Variants in NAV2 observed in about 807,000 individuals in gnomAD.
NAV2 encodes the protein neuron navigator 2, also known as helicase, APC down-regulated 1.
Under a neutral mutation model 223.2 loss-of-function variants are expected in NAV2, and 54 were observed. That is an observed-to-expected ratio of 0.24 (90% CI 0.19 to 0.30). The LOEUF is 0.30. NAV2 is among the 10% of genes least tolerant of loss of function. NAV2 has a pLI of 1.00. For synonymous variants in NAV2, 1,279 were observed against 1,239.3 expected (o/e 1.03, Z -0.67); for missense variants, 2,806 against 3,147.5 (o/e 0.89, Z 2.60).
chr11:19,956,850 T>G (rs907788070), intron 10 of NAV2, among the ~76,000 whole-genome samples: 4 of 152,134 alleles, frequency 2.6e-5, no homozygotes, highest in African/African-American at 9.7e-5. Flanking sequence ...GTCTTGGAGG[T>G]CAGAGGGCAG....
chr11:19,555,205 G>A (rs1368574358), intron 1 of NAV2, among the ~76,000 whole-genome samples: 2 of 152,216 alleles, frequency 1.3e-5, no homozygotes, highest in African/African-American at 2.4e-5. Flanking sequence ...GGAAGCAGAA[G>A]CTGGCAGAGG....
intron 1 of NAV2, among the ~76,000 whole-genome samples, chr11:19,464,267 C>T (rs149158272): frequency 1.6e-4 from 24 of 152,304 alleles, no homozygotes; most frequent in Middle Eastern, 3.4e-3. Flanking sequence ...TGAGCCAGAG[C>T]TCTGTTGCTA....
At chr11:20,017,340 TC>T (rs2153523782) in intron 11 of NAV2, among the ~76,000 whole-genome samples, 2 of 152,212 alleles carry the variant, frequency 1.3e-5, no homozygotes, top group South Asian at 4.2e-4. Context: ...ACTTGATGCG[TC>T]CCCCTTCCAC....
At chr11:19,940,640 T>G (rs1846136679) in intron 8 of NAV2, among the ~76,000 whole-genome samples, 1 of 152,240 alleles carries the variant, frequency 6.6e-6, no homozygotes, top group Non-Finnish European at 1.5e-5. Context: ...TTTATTGAAC[T>G]GAATATCCCT....
intron 1 of NAV2, among the ~76,000 whole-genome samples, chr11:19,585,097 C>T (rs1364799581): frequency 6.6e-6 from 1 of 152,120 alleles, no homozygotes; most frequent in Non-Finnish European, 1.5e-5. Context: ...GGATAGTTAG[C>T]TCTTCTTGTT....
At chr11:19,367,415 A>G (rs1026591483) in intron 1 of NAV2, among the ~76,000 whole-genome samples, 63 of 152,326 alleles carry the variant, frequency 4.1e-4, no homozygotes, top group African/African-American at 1.2e-3. Flanking sequence ...TGAGCTTTTC[A>G]AGAATTCAAG....
At chr11:19,492,609 C>T (rs750098849) in intron 1 of NAV2, among the ~76,000 whole-genome samples, 8 of 152,084 alleles carry the variant, frequency 5.3e-5, no homozygotes, top group Non-Finnish European at 1.0e-4. Context: ...CTCTGCCCAC[C>T]TCCCAACTTC....
At position 19,850,083 on chromosome 11, in the gene NAV2, G is replaced by A. The variant is rs532848461; in HGVS notation, c.438+7160G>A. Among the ~76,000 whole-genome samples, 4 of 152,218 alleles carry A rather than the reference G, an allele frequency of 2.6e-5. No individual in the cohort carries two copies. The South Asian group carries it at 6.2e-4, about 24-fold the overall frequency. On this transcript the variant is annotated intron_variant, in intron 3 of 37. Transcript: ENST00000349880. ...AGATACCTTGTAGTATGCCAAAGAG[G>A]CCGTGTATTTTCATGCCTTTGTACT...
intron 1 of NAV2, among the ~76,000 whole-genome samples, chr11:19,434,011 G>C (rs1181025165): frequency 2.0e-5 from 3 of 152,128 alleles, no homozygotes; most frequent in African/African-American, 7.2e-5. Flanking sequence ...AGGAAGTGTA[G>C]GTGCCAGGCT....
chr11:19,494,897 G>A (rs2042745622), intron 1 of NAV2, among the ~76,000 whole-genome samples: 1 of 152,212 alleles, frequency 6.6e-6, no homozygotes, highest in Non-Finnish European at 1.5e-5. Context: ...GGGCTGTTGT[G>A]GTGCTGCAGG....
intron 19 of NAV2, among the ~76,000 whole-genome samples, chr11:20,059,166 C>T (rs945463356): frequency 1.3e-5 from 2 of 151,976 alleles, no homozygotes; most frequent in African/African-American, 4.8e-5. Flanking sequence ...GGTGGAGAGG[C>T]AGGGCAGTCC....
At position 19,607,644 on chromosome 11, in the gene NAV2, T is replaced by G. The variant is rs183884692; in HGVS notation, c.76-224840T>G. On this transcript the variant is annotated intron_variant, in intron 1 of 37. Coordinates refer to the NAV2 transcript ENST00000360655. ...GGCTCAGCTCTTTTCCTTGTCAGTC[T>G]TGGAGTCTCTAATGAAAGGGTATGG... Among the ~76,000 whole-genome samples, 256 of 152,326 alleles carry G rather than the reference T, an allele frequency of 1.7e-3. 3 individuals carry two copies. Among genetic ancestry groups the G allele is most frequent in the African/African-American group, 5.6e-3 (234 of 41,572 alleles).
chr11:19,924,411 G>A (rs563500980), intron 6 of NAV2, among the ~76,000 whole-genome samples: 8 of 152,018 alleles, frequency 5.3e-5, no homozygotes, highest in African/African-American at 1.9e-4. Context: ...GAAGAAAAAG[G>A]ATTACCTTGT....
intron 1 of NAV2, among the ~76,000 whole-genome samples, chr11:19,413,705 C>T (rs1850241898): frequency 6.6e-6 from 1 of 152,132 alleles, no homozygotes; most frequent in African/African-American, 2.4e-5. Context: ...AAGGGAAGCC[C>T]ATCAGACTAA....
chr11:19,741,853 C>T (rs1480639548), intron 1 of NAV2, among the ~76,000 whole-genome samples: 1 of 151,830 alleles, frequency 6.6e-6, no homozygotes, highest in East Asian at 1.9e-4. Context: ...GACTTCATTC[C>T]CTTTGGGTAT....
intron 1 of NAV2, among the ~76,000 whole-genome samples, chr11:19,779,094 G>C (rs1452234604): frequency 6.6e-6 from 1 of 152,160 alleles, no homozygotes; most frequent in Admixed American, 6.5e-5. Context: ...GTCTATGGAG[G>C]GAGCTTTCCT....
intron 1 of NAV2, among the ~76,000 whole-genome samples, chr11:19,461,739 G>A (rs1852168942): frequency 6.6e-6 from 1 of 152,270 alleles, no homozygotes; most frequent in South Asian, 2.1e-4. Context: ...AAAATTACAT[G>A]GAACAAAATG....
chr11:19,797,782 G>A (rs1415421798), intron 1 of NAV2, among the ~76,000 whole-genome samples: 1 of 152,042 alleles, frequency 6.6e-6, no homozygotes, highest in East Asian at 1.9e-4. Context: ...GCTTCCCTGG[G>A]CACCAGTTTT....
chr11:19,943,977 C>T (rs573091867), intron 8 of NAV2, among the ~76,000 whole-genome samples: 113 of 152,232 alleles, frequency 7.4e-4, no homozygotes, highest in Admixed American at 2.9e-3. Flanking sequence ...GTGGGTGGAT[C>T]ACCTGAAGCC....
Sources: allele counts gnomAD v4.1 joint callset (sites outside exome capture counted in the v4.1 genomes callset), GRCh38; gene constraint gnomAD v4.1.1; transcripts MANE v1.5; gene names NCBI Gene and HGNC (gene_info 2026-07-23, HGNC 2026-07-21).